The following ZNF831 variants were observed in gnomAD, a reference collection of about 807,000 sequenced individuals.
The protein encoded by ZNF831 is chromosome 20 open reading frame 174.
ZNF831 carries 59 observed loss-of-function variants against 95.8 expected under a neutral mutation model. The observed-to-expected ratio is 0.62, with a 90% CI of 0.50 to 0.77. The LOEUF is 0.77. ZNF831 is among the 30% of genes least tolerant of loss of function. The probability of loss-of-function intolerance (pLI) is 0.00; values close to 1 mark genes in which losing one functional copy is unlikely to be tolerated. For missense variants in ZNF831, 2,205 were observed against 2,164.0 expected, an observed-to-expected ratio of 1.02 and a Z score of -0.38; for synonymous variants, 961 against 925.5, an observed-to-expected ratio of 1.04 and a Z score of -0.70.
Position 59,253,880 on chromosome 20 carries a change from C to A in ZNF831, c.4189-18C>A. ...AACCTCCCCCCCCACTTTTTTTTTC[C>A]TTTGCACTTTGTTGCAGGATATTTC... On this transcript the variant is annotated intron_variant, in intron 5 of 5. Coordinates refer to ENST00000371030, the MANE Select transcript of ZNF831 (RefSeq NM_178457.3). 1.6e-6 allele frequency: 1 copy of A among 621,698 alleles called. No individual in the cohort carries two copies. Among genetic ancestry groups the A allele is most frequent in the Admixed American group, 3.1e-5 (1 of 32,608 alleles). The allele number at this position is 621,698 out of a possible 1,614,324, so 38.5% of individuals were successfully genotyped here. A position where few individuals can be genotyped will look rare whatever the true frequency, so the allele number is the denominator to read the frequency against.
At chr20:59,248,411 A>G (rs891665155) in intron 4 of ZNF831, among the ~76,000 whole-genome samples, 4 of 152,238 alleles carry the variant, frequency 2.6e-5, no homozygotes, top group Admixed American at 6.5e-5. Flanking sequence ...CTTCAGTGAC[A>G]TTATTTGAGC....
intron 4 of ZNF831, among the ~76,000 whole-genome samples, chr20:59,238,685 A>G (rs747029922): frequency 6.6e-6 from 1 of 152,234 alleles, no homozygotes; most frequent in Non-Finnish European, 1.5e-5. Context: ...CTTCTGGCTT[A>G]GAAAATACAC....
rs1054682936 is a variant in ZNF831, at chr20:59,257,942, T to A, written c.*3199T>A. 3 of 152,230 alleles carry A rather than the reference T, an allele frequency of 2.0e-5. No homozygotes were observed. The highest frequency in any genetic ancestry group is 4.8e-5 in the African/African-American group (2 of 41,450). 9.4% of individuals were successfully genotyped at this position (152,230 alleles called of 1,614,324 possible). ...CAGCTAGATCTTGTCGTTAAAGATG[T>A]ATGGAGGGAAGAGGTTTCAATCCTT... On this transcript the variant is annotated 3_prime_UTR_variant, in exon 6 of 6. Coordinates refer to ENST00000371030, the MANE Select transcript of ZNF831 (RefSeq NM_178457.3).
At chr20:59,167,920 GT>G (rs11477823) in intron 1 of ZNF831, among the ~76,000 whole-genome samples, 19,061 of 148,230 alleles carry the variant, frequency 0.13, 1,363 homozygotes, top group African/African-American at 0.19. Flanking sequence ...ATTGATTTAT[GT>G]TTTTTTTTTT....
At chr20:59,174,156 G>A (rs1027376070) in intron 1 of ZNF831, among the ~76,000 whole-genome samples, 11 of 152,154 alleles carry the variant, frequency 7.2e-5, no homozygotes, top group Admixed American at 3.3e-4. Context: ...GGCATGCATA[G>A]AGGAAGTGGG....
chr20:59,245,148 C>T (rs939083844), intron 4 of ZNF831, among the ~76,000 whole-genome samples: 1 of 152,214 alleles, frequency 6.6e-6, no homozygotes, highest in African/African-American at 2.4e-5. Context: ...ATGTGAGTTT[C>T]TTAAATAACA....
intron 5 of ZNF831, 119 bp downstream of exon 5, chr20:59,253,257 C>A: frequency 1.8e-6 from 2 of 1,135,930 alleles, no homozygotes; most frequent in Non-Finnish European, 2.5e-6. Flanking sequence ...TATGAAGATT[C>A]GTGGCACAGA....
At chr20:59,211,543 A>C (rs1985333064) in intron 4 of ZNF831, among the ~76,000 whole-genome samples, 1 of 152,200 alleles carries the variant, frequency 6.6e-6, no homozygotes, top group African/African-American at 2.4e-5. Context: ...ATACCACTGG[A>C]AATCAAAGGG....
At position 59,148,679 on chromosome 20, in the gene ZNF831, CAAAAAAAAAAAAAAAAAAAAAAAAAAAAA is replaced by C. The variant is rs35635821; in HGVS notation, c.-1281+2322_-1281+2350del. On this transcript the variant is annotated intron_variant, in intron 2 of 7. Transcript: ENST00000637017. ...TGGGCGACAGAGCGAAACTCCGTCT[CAAAAAAAAAAAAAAAAAAAAAAAAAAAAA>C]AAAAAAAAAAAAAAAAGAACAGAGC... is the stretch of plus-strand genomic sequence containing the variant. Among the ~76,000 whole-genome samples, 8 of 16,214 alleles carry C rather than the reference CAAAAAAAAAAAAAAAAAAAAAAAAAAAAA, an allele frequency of 4.9e-4. 1 individual carries two copies. The highest frequency in any genetic ancestry group is 1.1e-3 in the Admixed American group (1 of 936). The allele number at this position is 16,214 out of a possible 152,430, so 10.6% of individuals were successfully genotyped here.
chr20:59,160,896 G>A (rs1315247849), upstream of ZNF831: 2 of 151,950 alleles, frequency 1.3e-5, no homozygotes, highest in African/African-American at 4.8e-5. Flanking sequence ...CTCTTGGCAA[G>A]TGAGTGAGAT....
chr20:59,220,893 G>C (rs1230241267), intron 4 of ZNF831, among the ~76,000 whole-genome samples: 1 of 152,080 alleles, frequency 6.6e-6, no homozygotes. Flanking sequence ...ACTTTTACTA[G>C]TTCTTTGGGC....
intron 2 of ZNF831, among the ~76,000 whole-genome samples, chr20:59,149,910 C>T (rs1980124341): frequency 1.3e-5 from 2 of 152,240 alleles, no homozygotes; most frequent in South Asian, 2.1e-4. Flanking sequence ...CTAAGGCTCT[C>T]CAGGGAGCCT....
In ZNF831 at chr20:59,192,119, C is replaced by A; in HGVS notation, c.1100C>A (p.Ser367Ter). ...CCCTGCAGCCCCCTGCACAGCCTTT[C>A]GGAGCACAGCGCCGAGTCCGAGGGG... ...HAPCSPLHSL[S>*]EHSAESEGEG... is the part of the protein sequence containing the mutation. The change falls in exon 2 of 6, where the codon TCG becomes TAG. Residue 367 changes from serine (S) to a stop codon, truncating the protein, a stop_gained. Coordinates refer to ENST00000371030, the MANE Select transcript of ZNF831 (RefSeq NM_178457.3). LOFTEE classifies it high-confidence loss of function. The surrounding 1 kb of genome is among the most constrained non-coding windows in gnomAD (Gnocchi z 5.2). 1 of 1,577,558 alleles carries A rather than the reference C, an allele frequency of 6.3e-7. No individual in the cohort carries two copies. Among genetic ancestry groups the A allele is most frequent in the Non-Finnish European group, 8.6e-7 (1 of 1,167,490 alleles).
At chr20:59,135,853 C>T (rs746028533) in intron 1 of ZNF831, among the ~76,000 whole-genome samples, 1 of 152,218 alleles carries the variant, frequency 6.6e-6, no homozygotes, top group Middle Eastern at 3.4e-3. Flanking sequence ...TACTTTTGCA[C>T]CAACCCAATA....
At chr20:59,132,619 C>A (rs1335517083) in intron 1 of ZNF831, among the ~76,000 whole-genome samples, 1 of 152,192 alleles carries the variant, frequency 6.6e-6, no homozygotes, top group Non-Finnish European at 1.5e-5. Flanking sequence ...GCTCCTTGGA[C>A]ATTGGCATGG....
At chr20:59,211,880 T>C (rs368956156) in intron 4 of ZNF831, among the ~76,000 whole-genome samples, 126 of 152,026 alleles carry the variant, frequency 8.3e-4, no homozygotes, top group Middle Eastern at 3.4e-3. Context: ...AGGACAATGA[T>C]GGGGTAATCT....
At chr20:59,149,128 G>C (rs953402666) in intron 2 of ZNF831, among the ~76,000 whole-genome samples, 7 of 152,160 alleles carry the variant, frequency 4.6e-5, no homozygotes, top group Admixed American at 3.3e-4. Flanking sequence ...ACAAGGTAAG[G>C]GCTCTCAGAC....
intron 3 of ZNF831, among the ~76,000 whole-genome samples, chr20:59,201,843 A>T (rs1984551307): frequency 6.6e-6 from 1 of 152,338 alleles, no homozygotes; most frequent in South Asian, 2.1e-4. Context: ...GGATACAAAG[A>T]TCAATGGAGC....
intron 2 of ZNF831, among the ~76,000 whole-genome samples, chr20:59,158,689 C>T (rs1384825281): frequency 6.6e-6 from 1 of 152,148 alleles, no homozygotes; most frequent in Non-Finnish European, 1.5e-5. Context: ...CCCCTGGGGA[C>T]ACTTTTGTTT....
Sources: allele counts gnomAD v4.1 joint callset (sites outside exome capture counted in the v4.1 genomes callset), GRCh38; gene constraint gnomAD v4.1.1; non-coding constraint Gnocchi (gnomAD v3.1); transcripts MANE v1.5; gene names NCBI Gene and HGNC (gene_info 2026-07-23, HGNC 2026-07-21).